The following PDIA3 variants were observed in gnomAD, a reference collection of about 807,000 sequenced individuals.
The protein encoded by PDIA3 is protein disulfide isomerase family A member 3, also known as protein disulfide-isomerase A3.
In PDIA3, 16 loss-of-function variants were observed where a neutral mutation model predicts 56.9. The observed-to-expected ratio is 0.28, with a 90% confidence interval of 0.19 to 0.43. The LOEUF is 0.43. Among genes scored for constraint, PDIA3 ranks in the 20% least tolerant of loss-of-function variants. The probability of loss-of-function intolerance (pLI) is 1.00; values close to 1 mark genes in which losing one functional copy is unlikely to be tolerated. For synonymous variants in PDIA3, 192 were observed against 216.5 expected (o/e 0.89, Z 0.99); for missense variants, 485 against 621.3 (o/e 0.78, Z 2.33).
At chr15:43,751,775 T>C (rs1317221913) in intron 1 of PDIA3, 1 of 1,291,570 alleles carries the variant, frequency 7.7e-7, no homozygotes, top group South Asian at 1.2e-5. Flanking sequence ...CATGCATACT[T>C]TTGTTGTTTT....
rs1003937472 is a variant in PDIA3, at chr15:43,772,269, C to T, written c.*1051C>T. ...CCTGCCCAGTTATAGTTTTCAGTCA[C>T]TGGAGAATTCCAGGTAGGAGCCCTA... On this transcript the variant is annotated 3_prime_UTR_variant, in exon 13 of 13. Coordinates refer to ENST00000300289, the MANE Select transcript of PDIA3 (RefSeq NM_005313.5). 1 of 152,234 alleles carries T rather than the reference C, an allele frequency of 6.6e-6. No individual in the cohort carries two copies. The highest frequency in any genetic ancestry group is 1.5e-5 in the Non-Finnish European group (1 of 68,056). 9.4% of individuals were successfully genotyped at this position (152,234 alleles called of 1,614,324 possible).
At chr15:43,762,763 C>T (rs1292141058) in intron 4 of PDIA3, among the ~76,000 whole-genome samples, 1 of 152,090 alleles carries the variant, frequency 6.6e-6, no homozygotes, top group Non-Finnish European at 1.5e-5. Flanking sequence ...TAATTTAATC[C>T]TTCTGATACC....
At chr15:43,751,540 G>A (rs1297472035) in intron 1 of PDIA3, 1 of 1,210,592 alleles carries the variant, frequency 8.3e-7, no homozygotes, top group East Asian at 5.7e-5. Context: ...AATCTTGAAG[G>A]ATGTATGTTA....
chr15:43,766,590 G>T (rs1419064868), intron 7 of PDIA3, 138 bp from the exon 8 acceptor site: 1 of 678,848 alleles, frequency 1.5e-6, no homozygotes. Context: ...GTGCCCAAGA[G>T]CTCAGACTGT....
chr15:43,746,645 G>A lies in PDIA3; in HGVS notation c.106G>A (p.Glu36Lys), dbSNP rs751249860. 26 of 1,612,964 alleles carry A rather than the reference G, an allele frequency of 1.6e-5. No individual in the cohort carries two copies. The Admixed American group carries it at 2.3e-4, about 14-fold the overall frequency. Residue 36 changes from glutamate to lysine, a missense_variant, in exon 1 of 13, where the codon GAG (glutamate) becomes AAG (lysine). Glu to Lys is a moderately conservative substitution (Grantham distance 56). Transcript: ENST00000300289. ...GCTAGAACTCACGGACGACAACTTC[G>A]AGAGTCGCATCTCCGACACGGGCTC... ...DVLELTDDNF[E>K]SRISDTGSAG... is the part of the protein sequence containing the mutation.
intron 1 of PDIA3, among the ~76,000 whole-genome samples, chr15:43,750,547 G>C (rs1456141646): frequency 6.6e-6 from 1 of 151,172 alleles, no homozygotes; most frequent in Non-Finnish European, 1.5e-5. Context: ...AGGTCAAGGC[G>C]GGTGGATCAC....
In PDIA3 at chr15:43,763,176, C is replaced by G; in HGVS notation, c.572C>G (p.Ser191Cys). 6.2e-7 allele frequency: 1 copy of G among 1,614,072 alleles called. No individual in the cohort carries two copies. The highest frequency in any genetic ancestry group is 2.2e-5 in the East Asian group (1 of 44,878). Residue 191 changes from serine to cysteine, a missense_variant, in exon 5 of 13, where the codon TCT becomes TGT. Coordinates refer to ENST00000300289, the MANE Select transcript of PDIA3 (RefSeq NM_005313.5). ...NYRFAHTNVE[S>C]LVNEYDDNGE... is the part of the protein sequence containing the mutation. ...CGATTTGCACATACGAATGTTGAGT[C>G]TCTGGTGAACGAGTATGATGATAAT...
At position 43,773,248 on chromosome 15, in the gene PDIA3, G is replaced by A. The variant is rs746794951; in HGVS notation, c.*2030G>A. On this transcript the variant is annotated 3_prime_UTR_variant, in exon 13 of 13. Coordinates refer to ENST00000300289, the MANE Select transcript of PDIA3 (RefSeq NM_005313.5). ...ACTGCTGCAGAGAAAAAGCATCCATGTCAAAAAGTAAAAATTCTCATTCTA... is the reference window on the plus strand; with the variant it reads ...ACTGCTGCAGAGAAAAAGCATCCATATCAAAAAGTAAAAATTCTCATTCTA... 2 of 1,613,650 alleles carry A rather than the reference G, an allele frequency of 1.2e-6. No homozygotes were observed. Among genetic ancestry groups the A allele is most frequent in the Admixed American group, 3.3e-5 (2 of 59,878 alleles).
chr15:43,770,735 C>G (rs1201181313), intron 12 of PDIA3, among the ~76,000 whole-genome samples, 155 bp downstream of exon 12: 3 of 152,158 alleles, frequency 2.0e-5, no homozygotes, highest in Admixed American at 6.5e-5. Flanking sequence ...ATGGCGTGAT[C>G]TCGGCTCACC....
chr15:43,765,953 T>C lies in PDIA3; in HGVS notation c.786T>C (p.Ile262=). 1 of 1,613,540 alleles carries C rather than the reference T, an allele frequency of 6.2e-7. No individual in the cohort carries two copies. The highest frequency in any genetic ancestry group is 1.3e-5 in the African/African-American group (1 of 75,020). ...KDLIQGKDLL[I]AYYDVDYEKN... ...TGATACAGGGCAAGGACTTACTTAT[T>C]GCTTACTATGATGTGGACTATGAAA... The change falls in exon 7 of 13, where the codon ATT becomes ATC. Residue 262 remains isoleucine, a synonymous_variant. Transcript: ENST00000300289.
intron 8 of PDIA3, among the ~76,000 whole-genome samples, chr15:43,767,769 CAAAAAAA>C (rs11294471): frequency 6.8e-5 from 5 of 73,468 alleles, no homozygotes; most frequent in Admixed American, 1.6e-4. Flanking sequence ...GACTCTGTCT[CAAAAAAA>C]AAAAAAAAAA....
In PDIA3 at chr15:43,771,889, G is replaced by T. The variant is rs896197225; in HGVS notation, c.*671G>T. 7.5e-5 allele frequency: 26 copies of T among 344,530 alleles called. No individual in the cohort carries two copies. Among genetic ancestry groups the T allele is most frequent in the African/African-American group, 5.2e-4 (25 of 47,658 alleles). 21.3% of individuals were successfully genotyped at this position (344,530 alleles called of 1,614,324 possible). A position where few individuals can be genotyped will look rare whatever the true frequency, so the allele number is the denominator to read the frequency against. On this transcript the variant is annotated 3_prime_UTR_variant, in exon 13 of 13. Coordinates refer to ENST00000300289, the MANE Select transcript of PDIA3 (RefSeq NM_005313.5). ...GGGCCTTTCTTGTTAGGCTGTCCAT[G>T]CCCTAAGGATGGGTTCCTGTTTATC... is the stretch of plus-strand genomic sequence containing the variant.
At chr15:43,762,329 T>C (rs1219477073) in intron 4 of PDIA3, among the ~76,000 whole-genome samples, 1 of 151,954 alleles carries the variant, frequency 6.6e-6, no homozygotes, top group Non-Finnish European at 1.5e-5. Context: ...CTGACCAACA[T>C]GGAGAAACCC....
In PDIA3 at chr15:43,766,771, C is replaced by T; in HGVS notation, c.889C>T (p.Leu297Phe). 2 of 1,613,988 alleles carry T rather than the reference C, an allele frequency of 1.2e-6. No homozygotes were observed. Among genetic ancestry groups the T allele is most frequent in the South Asian group, 2.2e-5 (2 of 91,070 alleles). ...GAAATTCCTGGATGCTGGGCACAAA[C>T]TCAACTTTGCTGTAGCTAGCCGCAA... Reference protein sequence around the residue: ...AKKFLDAGHKLNFAVASRKTF... With the variant: ...AKKFLDAGHKFNFAVASRKTF... The change falls in exon 8 of 13, where the codon CTC (leucine) becomes TTC (phenylalanine). Residue 297 changes from leucine to phenylalanine, a missense_variant. Coordinates refer to ENST00000300289, the MANE Select transcript of PDIA3 (RefSeq NM_005313.5).
chr15:43,751,156 T>C (rs1226227928), intron 1 of PDIA3, among the ~76,000 whole-genome samples: 1 of 150,836 alleles, frequency 6.6e-6, no homozygotes, highest in Non-Finnish European at 1.5e-5. Flanking sequence ...AAATAATATA[T>C]GTGCTAATTT....
intron 3 of PDIA3, 125 bp from the exon 4 acceptor site, chr15:43,761,299 C>T (rs1025523842): frequency 8.5e-6 from 4 of 471,230 alleles, no homozygotes; most frequent in Non-Finnish European, 1.5e-5. Context: ...TGACTAGGGA[C>T]AAGGGTGGCA....
intron 3 of PDIA3, 140 bp from the exon 4 acceptor site, chr15:43,761,284 C>G (rs2086814428): frequency 4.7e-6 from 2 of 424,220 alleles, no homozygotes; most frequent in Non-Finnish European, 8.7e-6. Context: ...AAGGAGGAAA[C>G]TGGGTGACTA....
At chr15:43,750,194 T>TA (rs372943263) in intron 1 of PDIA3, among the ~76,000 whole-genome samples, 1 of 139,606 alleles carries the variant, frequency 7.2e-6, no homozygotes, top group African/African-American at 2.8e-5. Flanking sequence ...TTTTTTTTTT[T>TA]AAGTAGAGAC....
At chr15:43,768,696 T>TA in intron 9 of PDIA3, 99 bp downstream of exon 9, 1 of 768,842 alleles carries the variant, frequency 1.3e-6, no homozygotes, top group Non-Finnish European at 2.2e-6. Flanking sequence ...GTTGGCCATC[T>TA]CTTTTTTTTT....
Sources: allele counts gnomAD v4.1 joint callset (sites outside exome capture counted in the v4.1 genomes callset), GRCh38; gene constraint gnomAD v4.1.1; transcripts MANE v1.5; gene names NCBI Gene and HGNC (gene_info 2026-07-23, HGNC 2026-07-21).